INTS1: variants seen among roughly 807,000 people sequenced by gnomAD.
INTS1 encodes integrator complex subunit 1.
Under a neutral mutation model 241.6 loss-of-function variants are expected in INTS1, and 137 were observed. The observed-to-expected ratio is 0.57, with a 90% CI of 0.49 to 0.65. The LOEUF (loss-of-function observed/expected upper bound fraction) is 0.65, where lower values mean the gene tolerates loss of function less well. Among genes scored for constraint, INTS1 ranks in the 30% least tolerant of loss-of-function variants. INTS1 has a pLI of 0.00. For missense variants in INTS1, 3,073 were observed against 3,032.2 expected (o/e 1.01, Z -0.32); for synonymous variants, 1,692 against 1,337.8 (o/e 1.26, Z -5.78).
rs202056973 is a variant in INTS1, at chr7:1,484,090, G to T, written c.3342C>A (p.Asp1114Glu). The change falls in exon 25 of 48, where the codon GAC becomes GAA. Residue 1114 changes from aspartate (D) to glutamate (E), a missense_variant. Asp to Glu is a conservative substitution (Grantham distance 45, BLOSUM62 2). Transcript: ENST00000404767. ...TGGACAACAGAGCGCTCAGCACGGC[G>T]TCCGACGCGGCACTCGGGGAGAGCT... ...FSKLSPSAAS[D>E]AVLSALLSIF... 6.2e-7 allele frequency: 1 copy of T among 1,612,500 alleles called. No individual in the cohort carries two copies. The highest frequency in any genetic ancestry group is 8.5e-7 in the Non-Finnish European group (1 of 1,179,774).
Position 1,486,682 on chromosome 7 carries a change from G to T in INTS1, c.2919C>A (p.Asp973Glu). ...AGGAGCCGAGGCGCCGCAAGAAGTAGTCCAGCACCTCACACGTGGTCTGCT... is the reference window on the plus strand; with the variant it reads ...AGGAGCCGAGGCGCCGCAAGAAGTATTCCAGCACCTCACACGTGGTCTGCT... ...ADEQTTCEVL[D>E]YFLRRLGSSQ... is the part of the protein sequence containing the mutation. Residue 973 changes from aspartate to glutamate, a missense_variant, in exon 22 of 48, where the codon GAC becomes GAA. Physicochemically the swap from Asp to Glu is conservative, Grantham distance 45. Coordinates refer to ENST00000404767, the MANE Select transcript of INTS1 (RefSeq NM_001080453.3). 2 of 1,612,566 alleles carry T rather than the reference G, an allele frequency of 1.2e-6. No individual in the cohort carries two copies. Among genetic ancestry groups the T allele is most frequent in the Non-Finnish European group, 1.7e-6 (2 of 1,179,776 alleles).
At position 1,472,263 on chromosome 7, in the gene INTS1, C is replaced by T; in HGVS notation, c.6184+10G>A. ...CTGACCTGGCGTGGGTGAAGCAGGG[C>T]CTGACTCACCCTCCACCGTTTGGCC... On this transcript the variant is annotated intron_variant, in intron 44 of 47. Coordinates refer to ENST00000404767, the MANE Select transcript of INTS1 (RefSeq NM_001080453.3). 6.5e-7 allele frequency: 1 copy of T among 1,545,404 alleles called. No individual in the cohort carries two copies. Among genetic ancestry groups the T allele is most frequent in the Non-Finnish European group, 8.8e-7 (1 of 1,142,492 alleles).
intron 30 of INTS1, 101 bp from the exon 31 acceptor site, chr7:1,479,785 T>C: frequency 2.4e-6 from 3 of 1,235,850 alleles, no homozygotes; most frequent in Non-Finnish European, 3.2e-6. Flanking sequence ...CAGAACCGCG[T>C]CCCATCGTGT....
intron 26 of INTS1, chr7:1,483,313 C>G (rs918018051): frequency 3.2e-6 from 1 of 314,144 alleles, no homozygotes. Flanking sequence ...CCAGACACTG[C>G]GCTGGCCAGA....
chr7:1,494,973 G>A (rs1327316702), intron 13 of INTS1, 80 bp from the exon 14 acceptor site: 18 of 1,487,728 alleles, frequency 1.2e-5, no homozygotes, highest in South Asian at 1.1e-4. Context: ...AAGGGACCCC[G>A]CTCCCACGGG....
intron 43 of INTS1, among the ~76,000 whole-genome samples, chr7:1,472,653 G>A (rs1781524814): frequency 6.6e-6 from 1 of 152,232 alleles, no homozygotes; most frequent in African/African-American, 2.4e-5. Context: ...GGCCCCTTGG[G>A]ACCCGGGCCT....
chr7:1,498,529 G>T lies in INTS1; in HGVS notation c.1308C>A (p.Asp436Glu). 6.2e-7 allele frequency: 1 copy of T among 1,613,850 alleles called. No homozygotes were observed. Among genetic ancestry groups the T allele is most frequent in the South Asian group, 1.1e-5 (1 of 91,078 alleles). The stretch of plus-strand genomic sequence containing the variant: ...CCAACTTGATGGTGGTGCCCAGGTT[G>T]TCCTTGTGCGCGCTCAGCAGCTCCC... The part of the protein sequence containing the change: ...CIRELLSAHK[D>E]NLGTTIKLVI... Residue 436 changes from aspartate to glutamate, a missense_variant, in exon 10 of 48, where the codon GAC becomes GAA. Coordinates refer to ENST00000404767, the MANE Select transcript of INTS1 (RefSeq NM_001080453.3).
In INTS1 at chr7:1,476,348, G is replaced by A. The variant is rs375794790; in HGVS notation, c.5259C>T (p.Ala1753=). 107 of 1,579,424 alleles carry A rather than the reference G, an allele frequency of 6.8e-5. No homozygotes were observed. The highest frequency in any genetic ancestry group is 6.6e-4 in the African/African-American group (49 of 74,362). The part of the protein sequence containing the change: ...AETRSQDGDT[A]ACSLIQARLP... ...GCCGGGCCTGGATGAGGCTGCAGGC[G>A]GCTGTGTCCCCGTCCTGGCTCCGCG... Residue 1753 remains alanine, a synonymous_variant, in exon 38 of 48, where the codon GCC becomes GCT. Coordinates refer to ENST00000404767, the MANE Select transcript of INTS1 (RefSeq NM_001080453.3).
Position 1,489,417 on chromosome 7 carries a change from AGGGTGTGGGGC to A in INTS1, c.2258-24_2258-14del. ...CACGCAGCCAGGCCTAGGGAACCGG[AGGGTGTGGGGC>A]TGGCCAGGCTCCCCTGGGCACCAGG... On this transcript the variant is annotated splice_polypyrimidine_tract_variant and intron_variant, in intron 17 of 47. Transcript: ENST00000404767. 2 of 1,023,374 alleles carry A rather than the reference AGGGTGTGGGGC, an allele frequency of 2.0e-6. No homozygotes were observed. Among genetic ancestry groups the A allele is most frequent in the Non-Finnish European group, 2.3e-6 (2 of 854,260 alleles). The allele number at this position is 1,023,374 out of a possible 1,614,324, so 63.4% of individuals were successfully genotyped here.
In INTS1 at chr7:1,497,385, C is replaced by A; in HGVS notation, c.1426-71G>T. 1.3e-6 allele frequency: 2 copies of A among 1,506,050 alleles called. No individual in the cohort carries two copies. The highest frequency in any genetic ancestry group is 1.8e-6 in the Non-Finnish European group (2 of 1,119,058). The allele number at this position is 1,506,050 out of a possible 1,614,324, so 93.3% of individuals were successfully genotyped here. ...CCCTGTCACAGGCCCCTTCCCGCAG[C>A]ACCAACAGGTATGGCGCCCGAGGGC... On this transcript the variant is annotated intron_variant, in intron 10 of 47. Coordinates refer to ENST00000404767, the MANE Select transcript of INTS1 (RefSeq NM_001080453.3). The surrounding 1 kb of genome is among the most constrained non-coding windows in gnomAD (Gnocchi z 5.3).
In INTS1 at chr7:1,495,560, C is replaced by T. The variant is rs1185273221; in HGVS notation, c.1712-7G>A. ...GAGCGGAGCACTTCCAGGTCTGAAACAGACACGCAGCTTAGTGGCCCATCC... is the reference window on the plus strand; with the variant it reads ...GAGCGGAGCACTTCCAGGTCTGAAATAGACACGCAGCTTAGTGGCCCATCC... On this transcript the variant is annotated splice_polypyrimidine_tract_variant and splice_region_variant and intron_variant, in intron 12 of 47. Coordinates refer to ENST00000404767, the MANE Select transcript of INTS1 (RefSeq NM_001080453.3). 1.2e-6 allele frequency: 2 copies of T among 1,606,526 alleles called. No individual in the cohort carries two copies. The highest frequency in any genetic ancestry group is 1.1e-5 in the South Asian group (1 of 90,208).
In INTS1 at chr7:1,503,982, C is replaced by T. The variant is rs1399335378; in HGVS notation, c.-22G>A. On this transcript the variant is annotated 5_prime_UTR_variant, in exon 2 of 48. Coordinates refer to ENST00000404767, the MANE Select transcript of INTS1 (RefSeq NM_001080453.3). The stretch of plus-strand genomic sequence containing the variant: ...TCATCCTGCCCCGTCCCTCGCGGCT[C>T]CCGGCGGCTGCGGCGTCACCTGCGG... 1 of 1,539,296 alleles carries T rather than the reference C, an allele frequency of 6.5e-7. No homozygotes were observed. Among genetic ancestry groups the T allele is most frequent in the East Asian group, 2.5e-5 (1 of 40,088 alleles).
intron 35 of INTS1, 102 bp downstream of exon 35, chr7:1,477,448 G>A: frequency 7.4e-7 from 1 of 1,360,536 alleles, no homozygotes; most frequent in Non-Finnish European, 9.7e-7. Context: ...GGGGGTGCTG[G>A]GGCCCCTGCA....
At chr7:1,472,227 G>A (rs1274194045) in intron 44 of INTS1, 46 bp downstream of exon 44, 30 of 1,409,958 alleles carry the variant, frequency 2.1e-5, no homozygotes, top group Non-Finnish European at 2.6e-5. Flanking sequence ...AGCCCCATGG[G>A]ACCCAGGGCG....
chr7:1,479,564 G>T lies in INTS1; in HGVS notation c.4195C>A (p.Pro1399Thr). 1 of 1,549,280 alleles carries T rather than the reference G, an allele frequency of 6.5e-7. No homozygotes were observed. The change falls in exon 31 of 48, where the codon CCG becomes ACG. Residue 1399 changes from proline (P) to threonine (T), a missense_variant. By Grantham distance (38) the Pro-to-Thr change is conservative. Transcript: ENST00000404767. ...TGCAGGACACGCACCGTGATGCCCG[G>T]CACCTCGGGGCTGCCCTGGACGACG... ...ARVVQGSPEV[P>T]GITVRVLQAL...
chr7:1,499,846 G>A (rs778933837), intron 5 of INTS1, 38 bp downstream of exon 5: 24 of 1,595,412 alleles, frequency 1.5e-5, no homozygotes, highest in Middle Eastern at 1.7e-4. Flanking sequence ...ACCCCGTGGC[G>A]CTCTGCCATC....
At chr7:1,503,840 T>TCCCCAAAGATCCCCAAAGAC (rs1783324843) in intron 2 of INTS1, 63 bp downstream of exon 2, 3 of 898,444 alleles carry the variant, frequency 3.3e-6, no homozygotes, top group African/African-American at 2.1e-5. Flanking sequence ...GCAGCTGAGA[T>TCCCCAAAGATCCCCAAAGAC]CCCCAAAGAC....
Position 1,481,077 on chromosome 7 carries a change from G to T in INTS1, c.3851-144C>A. On this transcript the variant is annotated intron_variant, in intron 28 of 47. Transcript: ENST00000404767. This position sits in a 1 kb window ranked among gnomAD's most constrained non-coding sequence, Gnocchi z 6.8. Reference sequence around the variant, plus strand: ...TTCAGAAGCTGGGTGAGCTCAGTCAGCACTGAGGCCCCAACAGCTCCCTCC... The same window carrying T: ...TTCAGAAGCTGGGTGAGCTCAGTCATCACTGAGGCCCCAACAGCTCCCTCC... The T allele has an allele frequency of 1.4e-6, 1 of 706,640 alleles. No homozygotes were observed. Among genetic ancestry groups the T allele is most frequent in the Non-Finnish European group, 2.5e-6 (1 of 407,432 alleles). 43.8% of individuals were successfully genotyped at this position (706,640 alleles called of 1,614,324 possible).
Position 1,480,947 on chromosome 7 carries a change from C to A in INTS1, c.3851-14G>T, listed in dbSNP as rs909740299. 3.2e-6 allele frequency: 5 copies of A among 1,578,020 alleles called. No individual in the cohort carries two copies. Among genetic ancestry groups the A allele is most frequent in the Non-Finnish European group, 4.3e-6 (5 of 1,161,450 alleles). ...GGGCCATGTAATCTGCAAACCGTAGCAGGGTCACACCTGGGCGCGGCCAGG... is the reference window on the plus strand; with the variant it reads ...GGGCCATGTAATCTGCAAACCGTAGAAGGGTCACACCTGGGCGCGGCCAGG... On this transcript the variant is annotated splice_polypyrimidine_tract_variant and intron_variant, in intron 28 of 47. Transcript: ENST00000404767.
Sources: gnomAD v4.1 joint callset for allele counts (sites outside exome capture counted in the v4.1 genomes callset) on GRCh38, gnomAD v4.1.1 for gene constraint, Gnocchi (gnomAD v3.1) non-coding constraint, MANE v1.5 for transcripts, NCBI Gene and HGNC (gene_info 2026-07-23, HGNC 2026-07-21) for gene names.